MCCC2: variants seen among roughly 807,000 people sequenced by gnomAD.
The protein encoded by MCCC2 is methylcrotonyl-CoA carboxylase subunit 2.
A neutral mutation model predicts 77.2 loss-of-function variants in MCCC2; 52 were observed. The ratio of observed to expected loss-of-function variants is 0.67; its 90% CI spans 0.54 to 0.85. The LOEUF is 0.85. MCCC2 is among the 40% of genes least tolerant of loss of function. The pLI, the probability that MCCC2 is intolerant of heterozygous loss-of-function variation, is 0.00. For synonymous variants in MCCC2, 253 were observed against 248.4 expected, an observed-to-expected ratio of 1.02 and a Z score of -0.18; for missense variants, 682 against 703.2, an observed-to-expected ratio of 0.97 and a Z score of 0.34.
intron 6 of MCCC2, among the ~76,000 whole-genome samples, chr5:71,606,939 G>C (rs960097188): frequency 2.6e-5 from 4 of 151,262 alleles, no homozygotes; most frequent in Admixed American, 6.6e-5. Context: ...CTTGATCATG[G>C]TGGATAAGCT....
Position 71,641,022 on chromosome 5 carries a change from A to T in MCCC2, c.1019A>T (p.Asp340Val), listed in dbSNP as rs398124370. 6.8e-6 allele frequency: 11 copies of T among 1,613,970 alleles called. No homozygotes were observed. The highest frequency in any genetic ancestry group is 2.2e-5 in the East Asian group (1 of 44,872). Residue 340 changes from aspartate (D) to valine (V), a missense_variant, in exon 11 of 17, where the codon GAT becomes GTT. Asp to Val is a radical substitution (Grantham distance 152, BLOSUM62 -3). Transcript: ENST00000340941. ...TCTTAGGTCATTGCTAGAATCGTGG[A>T]TGGAAGCAGATTCACTGAGTTCAAA... The part of the protein sequence containing the change: ...DVREVIARIV[D>V]GSRFTEFKAF...
At chr5:71,633,131 A>ATATATATTTTTTTTTTT (rs1554137344) in intron 8 of MCCC2, among the ~76,000 whole-genome samples, 2 of 78,096 alleles carry the variant, frequency 2.6e-5, no homozygotes, top group African/African-American at 5.1e-5. Flanking sequence ...ATATATATAT[A>ATATATATTTTTTTTTTT]TTTTTATTTT....
intron 10 of MCCC2, among the ~76,000 whole-genome samples, chr5:71,640,382 AT>A (rs60843078): frequency 0.66 from 72,186 of 108,966 alleles, 24,070 homozygotes; most frequent in East Asian, 0.82. Context: ...CACTTTTTAC[AT>A]TTTTTTTTTT....
rs536462061 is a variant in MCCC2, at chr5:71,638,001, C to T, written c.999+2755C>T. Among the ~76,000 whole-genome samples the T allele has an allele frequency of 6.6e-4, 100 of 152,074 alleles. 2 individuals carry two copies. The highest frequency in any genetic ancestry group is 2.2e-3 in the African/African-American group (91 of 41,476). Reference sequence around the variant, plus strand: ...TGCTGGGATTACAGGCATCACCCACCGCGCCTGGCCCAGGGTAGAACTTTC... The same window carrying T: ...TGCTGGGATTACAGGCATCACCCACTGCGCCTGGCCCAGGGTAGAACTTTC... On this transcript the variant is annotated intron_variant, in intron 10 of 16. Coordinates refer to ENST00000340941, the MANE Select transcript of MCCC2 (RefSeq NM_022132.5).
At chr5:71,650,026 G>A in intron 14 of MCCC2, 43 bp from the exon 15 acceptor site, 1 of 1,466,172 alleles carries the variant, frequency 6.8e-7, no homozygotes, top group South Asian at 1.1e-5. Context: ...AATCTATGTT[G>A]TATATTGACT....
chr5:71,592,250 A>C (rs1459271491), intron 1 of MCCC2, among the ~76,000 whole-genome samples: 1 of 152,136 alleles, frequency 6.6e-6, no homozygotes, highest in African/African-American at 2.4e-5. Context: ...GCATGGTGGC[A>C]CACACCTGTA....
intron 16 of MCCC2, among the ~76,000 whole-genome samples, chr5:71,653,410 C>A (rs1397146538): frequency 6.7e-6 from 1 of 149,570 alleles, no homozygotes. Context: ...TAGTGTTCTG[C>A]ATTCCGAAGA....
chr5:71,630,293 A>T (rs1428738066), intron 7 of MCCC2, among the ~76,000 whole-genome samples: 1 of 152,172 alleles, frequency 6.6e-6, no homozygotes, highest in Admixed American at 6.5e-5. Flanking sequence ...GTTGAAAAAA[A>T]CAGATAGTAA....
At chr5:71,625,983 TTTA>T (rs1746518563) in intron 6 of MCCC2, among the ~76,000 whole-genome samples, 2 of 152,186 alleles carry the variant, frequency 1.3e-5, no homozygotes, top group South Asian at 4.1e-4. Context: ...CAAACCTATA[TTTA>T]TTATTCTTTG....
chr5:71,626,941 A>C (rs1053665590), intron 7 of MCCC2, among the ~76,000 whole-genome samples, 188 bp downstream of exon 7: 4 of 152,174 alleles, frequency 2.6e-5, no homozygotes, highest in Non-Finnish European at 5.9e-5. Context: ...TGCAACCATC[A>C]CTACCATCTA....
At chr5:71,645,838 A>G (rs1747259348) in intron 12 of MCCC2, among the ~76,000 whole-genome samples, 2 of 152,202 alleles carry the variant, frequency 1.3e-5, no homozygotes, top group African/African-American at 4.8e-5. Flanking sequence ...TACATATCCT[A>G]TTGATAATGG....
chr5:71,596,727 G>T (rs1745205176), intron 3 of MCCC2, among the ~76,000 whole-genome samples: 1 of 152,134 alleles, frequency 6.6e-6, no homozygotes, highest in Non-Finnish European at 1.5e-5. Flanking sequence ...GGATCATGAA[G>T]TCAGGAGATT....
At chr5:71,647,896 T>G (rs1747314807) in intron 13 of MCCC2, among the ~76,000 whole-genome samples, 1 of 152,022 alleles carries the variant, frequency 6.6e-6, no homozygotes, top group Admixed American at 6.6e-5. Context: ...GATGCCTCAC[T>G]CTTCTTTTTG....
Position 71,657,009 on chromosome 5 carries a change from G to T in MCCC2, c.*149G>T. On this transcript the variant is annotated 3_prime_UTR_variant, in exon 17 of 17. Transcript: ENST00000340941. ...TTTTCTACCTTAAAAAAATCAGTGA[G>T]GATATTTATTTAATGAACATCAATT... 1.6e-6 allele frequency: 1 copy of T among 626,956 alleles called. No homozygotes were observed. The highest frequency in any genetic ancestry group is 2.8e-6 in the Non-Finnish European group (1 of 353,004). The allele number at this position is 626,956 out of a possible 1,614,324, so 38.8% of individuals were successfully genotyped here.
In MCCC2 at chr5:71,656,799, G is replaced by GT. The variant is rs768272570; in HGVS notation, c.1635dup (p.Ser546Ter). 9.9e-6 allele frequency: 16 copies of GT among 1,614,050 alleles called. No individual in the cohort carries two copies. Among genetic ancestry groups the GT allele is most frequent in the Admixed American group, 3.3e-5 (2 of 60,000 alleles). On this transcript the variant is annotated frameshift_variant, in exon 17 of 17. Transcript: ENST00000340941. LOFTEE classifies it high-confidence loss of function. ...GACACCAGACTGGTCTTGGGTCTCA[G>GT]TTTTAGTGCAGCCCTCAACGCACCA... is the stretch of plus-strand genomic sequence containing the variant.
Position 71,599,856 on chromosome 5 carries a change from T to G in MCCC2, c.383+96T>G. On this transcript the variant is annotated intron_variant, in intron 4 of 16. Transcript: ENST00000340941. ...CTCACTTTGCATATTAGCATGCGAT[T>G]TGTATGCTATTTATATTATGTAGGA... The G allele has an allele frequency of 4.2e-6, 4 of 963,260 alleles. No individual in the cohort carries two copies. In the South Asian group the frequency reaches 5.3e-5, roughly 13 times the overall value. 59.7% of individuals were successfully genotyped at this position (963,260 alleles called of 1,614,324 possible). A position where few individuals can be genotyped will look rare whatever the true frequency, so the allele number is the denominator to read the frequency against.
intron 5 of MCCC2, among the ~76,000 whole-genome samples, chr5:71,603,671 G>A (rs953210981): frequency 2.6e-5 from 4 of 152,156 alleles, no homozygotes; most frequent in Admixed American, 1.3e-4. Flanking sequence ...GATACAGTGA[G>A]GAGGATTTTG....
chr5:71,601,110 AG>A (rs1745412393), intron 4 of MCCC2, among the ~76,000 whole-genome samples: 1 of 152,218 alleles, frequency 6.6e-6, no homozygotes, highest in Non-Finnish European at 1.5e-5. Flanking sequence ...CCAAAATAAT[AG>A]ATGCTGGGTA....
At chr5:71,607,772 T>G (rs1170100595) in intron 6 of MCCC2, among the ~76,000 whole-genome samples, 1 of 150,438 alleles carries the variant, frequency 6.6e-6, no homozygotes, top group African/African-American at 2.4e-5. Context: ...TCTGGTATGT[T>G]GTGTCTTTGT....
Sources: allele counts gnomAD v4.1 joint callset (sites outside exome capture counted in the v4.1 genomes callset), GRCh38; gene constraint gnomAD v4.1.1; transcripts MANE v1.5; gene names NCBI Gene and HGNC (gene_info 2026-07-23, HGNC 2026-07-21).